Variants in ILRUN observed in about 807,000 individuals in gnomAD.
The protein encoded by ILRUN is inflammation and lipid regulator with UBA-like and NBR1-like domains.
Under a neutral mutation model 33.8 loss-of-function variants are expected in ILRUN, and 3 were observed. The ratio of observed to expected loss-of-function variants is 0.09; its 90% confidence interval spans 0.04 to 0.23. ILRUN has a LOEUF of 0.23. Among genes scored for constraint, ILRUN ranks in the 10% least tolerant of loss-of-function variants. The pLI, the probability that ILRUN is intolerant of heterozygous loss-of-function variation, is 1.00. For synonymous variants in ILRUN, 124 were observed against 138.9 expected (o/e 0.89, Z 0.75); for missense variants, 210 against 375.1 (o/e 0.56, Z 3.64).
At chr6:34,683,637 G>C (rs1763455841) in intron 1 of ILRUN, among the ~76,000 whole-genome samples, 1 of 151,166 alleles carries the variant, frequency 6.6e-6, no homozygotes, top group Non-Finnish European at 1.5e-5. Flanking sequence ...AACAGGAGGG[G>C]TTTATACTTC....
rs1762572527 is a variant in ILRUN at position 34,646,872 on chromosome 6, T to C, written c.314-74A>G. ...CTGGGTGCAGTTTATTATGAAACTG[T>C]AGAAGAGGCCTCTTTCTTTTTCTCA... On this transcript the variant is annotated intron_variant, in intron 2 of 4. Coordinates refer to ENST00000374023, the MANE Select transcript of ILRUN (RefSeq NM_024294.4). This position sits in a 1 kb window ranked among gnomAD's most constrained non-coding sequence, Gnocchi z 4.9. 1 of 1,353,380 alleles carries C rather than the reference T, an allele frequency of 7.4e-7. No homozygotes were observed. Among genetic ancestry groups the C allele is most frequent in the East Asian group, 2.3e-5 (1 of 43,634 alleles). 83.8% of individuals were successfully genotyped at this position (1,353,380 alleles called of 1,614,324 possible).
At chr6:34,696,334 G>A in intron 1 of ILRUN, 112 bp downstream of exon 1, 1 of 1,146,258 alleles carries the variant, frequency 8.7e-7, no homozygotes, top group Non-Finnish European at 1.2e-6. Context: ...CCGGGAAGGG[G>A]TGGCCCTCAG....
At chr6:34,656,348 T>G (rs956276569) in intron 1 of ILRUN, among the ~76,000 whole-genome samples, 2 of 152,190 alleles carry the variant, frequency 1.3e-5, no homozygotes, top group Admixed American at 6.5e-5. Flanking sequence ...CAGAAGGAAC[T>G]ACGAAGCACC....
chr6:34,635,984 G>A (rs929323666), intron 3 of ILRUN, among the ~76,000 whole-genome samples: 2 of 152,102 alleles, frequency 1.3e-5, no homozygotes, highest in Admixed American at 6.5e-5. Flanking sequence ...CAGACTGGAC[G>A]TACTGGTTCA....
chr6:34,663,704 T>C (rs1036314730), intron 1 of ILRUN, among the ~76,000 whole-genome samples: 21 of 152,300 alleles, frequency 1.4e-4, no homozygotes, highest in African/African-American at 5.1e-4. Flanking sequence ...AATCCACCCA[T>C]TTCAATTGTA....
intron 3 of ILRUN, among the ~76,000 whole-genome samples, chr6:34,634,433 T>C (rs1036594657): frequency 6.6e-6 from 1 of 151,922 alleles, no homozygotes; most frequent in African/African-American, 2.4e-5. Flanking sequence ...CTTAAGAAAC[T>C]AGAAAATAAA....
At position 34,590,710 on chromosome 6, in the gene ILRUN, C is replaced by T. The variant is rs185759767; in HGVS notation, c.862-110G>A. On this transcript the variant is annotated intron_variant, in intron 4 of 4. Coordinates refer to ENST00000374023, the MANE Select transcript of ILRUN (RefSeq NM_024294.4). Reference sequence around the variant, plus strand: ...AGTGAGTCACAAGGAAGCCCCAATCCACAGACAAGGCCTGAGGGTCTTTGC... The same window carrying T: ...AGTGAGTCACAAGGAAGCCCCAATCTACAGACAAGGCCTGAGGGTCTTTGC... 3.3e-4 allele frequency: 274 copies of T among 819,034 alleles called. 1 individual carries two copies. The African/African-American group carries it at 4.0e-3, about 12-fold the overall frequency. The allele number at this position is 819,034 out of a possible 1,614,324, so 50.7% of individuals were successfully genotyped here.
intron 3 of ILRUN, among the ~76,000 whole-genome samples, chr6:34,641,879 AT>A (rs942563073): frequency 2.0e-5 from 3 of 152,218 alleles, no homozygotes; most frequent in Non-Finnish European, 4.4e-5. Context: ...AAGAAAAAAA[AT>A]CATGGAAATT....
At chr6:34,626,734 G>A (rs189142257) in intron 3 of ILRUN, among the ~76,000 whole-genome samples, 14 of 152,282 alleles carry the variant, frequency 9.2e-5, no homozygotes, top group African/African-American at 3.4e-4. Flanking sequence ...CAGGCGGGGT[G>A]TGATGGCTCA....
intron 1 of ILRUN, 64 bp from the exon 2 acceptor site, chr6:34,654,843 C>G (rs1192382753): frequency 1.4e-6 from 2 of 1,457,588 alleles, no homozygotes; most frequent in Non-Finnish European, 1.8e-6. Context: ...AATTGTTAAA[C>G]AAAAGGAAAA....
chr6:34,610,731 C>T (rs939759144), intron 3 of ILRUN, among the ~76,000 whole-genome samples: 1 of 152,174 alleles, frequency 6.6e-6, no homozygotes, highest in African/African-American at 2.4e-5. Context: ...GTCTACCACC[C>T]ATCTGTTTTA....
chr6:34,607,140 T>C (rs1761651175), intron 3 of ILRUN, among the ~76,000 whole-genome samples: 1 of 152,222 alleles, frequency 6.6e-6, no homozygotes, highest in East Asian at 1.9e-4. Flanking sequence ...TGTGGTGAGA[T>C]CCATGAAACT....
At chr6:34,693,626 A>T (rs1041802193) in intron 1 of ILRUN, among the ~76,000 whole-genome samples, 2 of 151,844 alleles carry the variant, frequency 1.3e-5, no homozygotes, top group Non-Finnish European at 2.9e-5. Context: ...GGCTTTGAGC[A>T]TAAGTTTTTT....
chr6:34,684,587 C>T (rs1034492643), intron 1 of ILRUN, among the ~76,000 whole-genome samples: 5 of 152,112 alleles, frequency 3.3e-5, no homozygotes, highest in African/African-American at 9.7e-5. Flanking sequence ...GGGCACTGTC[C>T]TCTTAAAAGT....
intron 1 of ILRUN, among the ~76,000 whole-genome samples, chr6:34,668,012 A>G: frequency 6.6e-6 from 1 of 152,214 alleles, no homozygotes; most frequent in South Asian, 2.1e-4. Flanking sequence ...CAGAGTGACA[A>G]TAGTACTGTA....
At chr6:34,694,395 T>C (rs1035976160) in intron 1 of ILRUN, among the ~76,000 whole-genome samples, 3 of 152,144 alleles carry the variant, frequency 2.0e-5, no homozygotes, top group Non-Finnish European at 2.9e-5. Context: ...GCTGAACTAG[T>C]GTAAACAAGG....
chr6:34,594,434 G>GA (rs974611678), intron 4 of ILRUN, among the ~76,000 whole-genome samples: 5 of 152,146 alleles, frequency 3.3e-5, no homozygotes, highest in African/African-American at 7.2e-5. Context: ...CTCAAACCCA[G>GA]AAAAAAACTC....
intron 1 of ILRUN, among the ~76,000 whole-genome samples, chr6:34,684,294 C>A (rs1016396411): frequency 2.0e-5 from 3 of 152,246 alleles, no homozygotes; most frequent in East Asian, 3.9e-4. Context: ...GTTTGCAACC[C>A]CTGTTTAAAC....
At chr6:34,683,463 C>CATATATATATAT (rs768330830) in intron 1 of ILRUN, among the ~76,000 whole-genome samples, 2 of 102,710 alleles carry the variant, frequency 1.9e-5, no homozygotes, top group African/African-American at 9.6e-5. Context: ...CATATATATA[C>CATATATATATAT]ATATATATAC....
Sources: gnomAD v4.1 joint callset for allele counts (sites outside exome capture counted in the v4.1 genomes callset) on GRCh38, gnomAD v4.1.1 for gene constraint, Gnocchi (gnomAD v3.1) non-coding constraint, MANE v1.5 for transcripts, NCBI Gene and HGNC (gene_info 2026-07-23, HGNC 2026-07-21) for gene names.